Variants in BSG observed in about 807,000 individuals in gnomAD.
BSG encodes the protein basigin (Ok blood group).
In BSG, 37 loss-of-function variants were observed where a neutral mutation model predicts 43.1. The observed-to-expected ratio is 0.86, with a 90% confidence interval of 0.66 to 1.13. BSG has a LOEUF of 1.13. BSG is among the 50% of genes most tolerant of loss of function. The probability of loss-of-function intolerance (pLI) is 0.00; values close to 1 mark genes in which losing one functional copy is unlikely to be tolerated. For synonymous variants in BSG, 309 were observed against 238.7 expected, an observed-to-expected ratio of 1.29 and a Z score of -2.72; for missense variants, 599 against 554.2, an observed-to-expected ratio of 1.08 and a Z score of -0.81.
chr19:580,647 G>A lies in BSG; in HGVS notation c.657G>A (p.Gly219=), dbSNP rs1982209031. The A allele has an allele frequency of 2.5e-6, 4 of 1,612,798 alleles. No individual in the cohort carries two copies. The highest frequency in any genetic ancestry group is 2.5e-6 in the Non-Finnish European group (3 of 1,179,926). ...PMGTANIQLH[G]PPRVKAVKSS... ...TCCTCTCTCTCACCCTCCTGTCAGGGCCTCCCAGAGTGAAGGCTGTGAAGT... is the reference window on the plus strand; with the variant it reads ...TCCTCTCTCTCACCCTCCTGTCAGGACCTCCCAGAGTGAAGGCTGTGAAGT... Residue 219 remains glycine, a splice_region_variant and synonymous_variant, in exon 5 of 9, where the codon GGG becomes GGA. Transcript: ENST00000333511.
chr19:572,086 C>CATATATATATATATAT (rs61577385), upstream of BSG: 37 of 149,612 alleles, frequency 2.5e-4, no homozygotes, highest in African/African-American at 9.2e-4. Context: ...TTAATACGTT[C>CATATATATATATATAT]ATATATATAT....
upstream of BSG, chr19:571,449 C>T (rs1389606177): frequency 4.0e-6 from 3 of 755,196 alleles, no homozygotes; most frequent in South Asian, 2.7e-5. Context: ...CCGTGGTCGC[C>T]GCGGAACTTC....
chr19:580,376 C>T lies in BSG; in HGVS notation c.573-3C>T. ...GCGGCTCACCTGCCTGCTGTGGTTG[C>T]AGGGTGGACTCCGACGACCAGTGGG... On this transcript the variant is annotated splice_polypyrimidine_tract_variant and splice_region_variant and intron_variant, in intron 3 of 8. Transcript: ENST00000333511. The T allele has an allele frequency of 1.2e-6, 2 of 1,610,332 alleles. No individual in the cohort carries two copies. The highest frequency in any genetic ancestry group is 1.7e-6 in the Non-Finnish European group (2 of 1,179,724).
At chr19:573,907 G>C (rs1334018859) in intron 1 of BSG, among the ~76,000 whole-genome samples, 1 of 152,184 alleles carries the variant, frequency 6.6e-6, no homozygotes, top group Non-Finnish European at 1.5e-5. Flanking sequence ...ATCCTTTCTT[G>C]CTTCATAGAA....
In BSG at chr19:583,448, C is replaced by G. The variant is rs981405490; in HGVS notation, c.*704C>G. On this transcript the variant is annotated 3_prime_UTR_variant, in exon 9 of 9. Transcript: ENST00000333511. Reference sequence around the variant, plus strand: ...CACCAGGGCTCACGTGGGAACCCCCCTCCCACCCACCGCCACAATAAAGAT... The same window carrying G: ...CACCAGGGCTCACGTGGGAACCCCCGTCCCACCCACCGCCACAATAAAGAT... 6.6e-6 allele frequency: 1 copy of G among 152,224 alleles called. No individual in the cohort carries two copies. The highest frequency in any genetic ancestry group is 2.4e-5 in the African/African-American group (1 of 41,452). 9.4% of individuals were successfully genotyped at this position (152,224 alleles called of 1,614,324 possible). A position where few individuals can be genotyped will look rare whatever the true frequency, so the allele number is the denominator to read the frequency against.
Position 572,596 on chromosome 19 carries a change from A to G in BSG, c.-39A>G, listed in dbSNP as rs28915406. ...TATAGCGGCCGCGGGCGGCGGCGGC[A>G]GCGGTTGGAGGTTGTAGGACCGGCG... On this transcript the variant is annotated 5_prime_UTR_variant, in exon 1 of 9. Transcript: ENST00000333511. 5.0e-4 allele frequency: 724 copies of G among 1,450,568 alleles called. 4 individuals carry two copies. In the African/African-American group the frequency reaches 9.6e-3, roughly 19 times the overall value. 89.9% of individuals were successfully genotyped at this position (1,450,568 alleles called of 1,614,324 possible). A position where few individuals can be genotyped will look rare whatever the true frequency, so the allele number is the denominator to read the frequency against.
At chr19:574,379 C>A (rs1273747871) in intron 1 of BSG, among the ~76,000 whole-genome samples, 1 of 152,104 alleles carries the variant, frequency 6.6e-6, no homozygotes, top group African/African-American at 2.4e-5. Flanking sequence ...CGGTGAAACC[C>A]CGTCTCTACT....
In BSG at chr19:581,513, A is replaced by G. The variant is rs756853532; in HGVS notation, c.991A>G (p.Ile331Val). 8 of 1,596,972 alleles carry G rather than the reference A, an allele frequency of 5.0e-6. No individual in the cohort carries two copies. Among genetic ancestry groups the G allele is most frequent in the Non-Finnish European group, 6.8e-6 (8 of 1,172,520 alleles). The change falls in exon 6 of 9, where the codon ATC becomes GTC. Residue 331 changes from isoleucine to valine, a missense_variant. Coordinates refer to ENST00000333511, the MANE Select transcript of BSG (RefSeq NM_001728.4). ...HLAALWPFLG[I>V]VAEVLVLVTI... is the part of the protein sequence containing the mutation. ...GGCCGCCCTCTGGCCCTTCCTGGGCATCGTGGCTGAGGTGCTGGTGCTGGT... is the reference window on the plus strand; with the variant it reads ...GGCCGCCCTCTGGCCCTTCCTGGGCGTCGTGGCTGAGGTGCTGGTGCTGGT...
chr19:581,657 G>A (rs560636050), intron 6 of BSG, 66 bp downstream of exon 6: 28 of 1,482,050 alleles, frequency 1.9e-5, no homozygotes, highest in East Asian at 1.2e-4. Flanking sequence ...CTCCTGGTCC[G>A]TCCCTGCCAG....
At chr19:582,618 G>A (rs1292731949) in intron 8 of BSG, 36 bp downstream of exon 8, 6 of 1,372,624 alleles carry the variant, frequency 4.4e-6, no homozygotes, top group African/African-American at 1.5e-5. Flanking sequence ...AGCCAGGTGT[G>A]GTGGGTGGGT....
At chr19:582,617 TGGTGGGTG>T in intron 8 of BSG, 35 bp downstream of exon 8, 1 of 32,496 alleles carries the variant, frequency 3.1e-5, no homozygotes. Context: ...GAGCCAGGTG[TGGTGGGTG>T]GGTGGGCGGG....
chr19:574,322 G>A lies in BSG; in HGVS notation c.67+1621G>A, dbSNP rs974196377. ...TAATCCCAGCACTTTGGGAGGCCGA[G>A]GCGGGCGGATCACGAGGTCAAGAGA... On this transcript the variant is annotated intron_variant, in intron 1 of 8. Coordinates refer to ENST00000333511, the MANE Select transcript of BSG (RefSeq NM_001728.4). Among the ~76,000 whole-genome samples, 5 of 152,016 alleles carry A rather than the reference G, an allele frequency of 3.3e-5. No homozygotes were observed. The South Asian group carries it at 8.3e-4, about 25-fold the overall frequency.
rs376363939 is a variant in BSG, at chr19:579,451, C to T, written c.416-49C>T. 6.0e-5 allele frequency: 96 copies of T among 1,607,116 alleles called. No individual in the cohort carries two copies. The East Asian group carries it at 1.4e-3, about 23-fold the overall frequency. Reference sequence around the variant, plus strand: ...GTTCCTGGGGGTCAGGCAGGCAGCGCGGGCCGTGCTCCTCCACTCTGCTGA... The same window carrying T: ...GTTCCTGGGGGTCAGGCAGGCAGCGTGGGCCGTGCTCCTCCACTCTGCTGA... On this transcript the variant is annotated intron_variant, in intron 2 of 8. Transcript: ENST00000333511.
At chr19:574,552 C>CAA (rs200704727) in intron 1 of BSG, among the ~76,000 whole-genome samples, 53 of 145,662 alleles carry the variant, frequency 3.6e-4, no homozygotes, top group African/African-American at 5.6e-4. Flanking sequence ...GACCCCGTCT[C>CAA]AAAAAAAAAC....
upstream of BSG, chr19:572,497 C>T (rs1981333037): frequency 3.3e-6 from 4 of 1,195,670 alleles, no homozygotes; most frequent in African/African-American, 1.6e-5. Flanking sequence ...GGGCGACCGG[C>T]GTCCCCGGCG....
intron 4 of BSG, 23 bp downstream of exon 4, chr19:580,484 C>G: frequency 6.2e-7 from 1 of 1,608,854 alleles, no homozygotes; most frequent in Non-Finnish European, 8.5e-7. Flanking sequence ...GCCAGGGGTA[C>G]CGGGCACCAC....
chr19:582,509 C>G lies in BSG; in HGVS notation c.1095-5C>G. On this transcript the variant is annotated splice_polypyrimidine_tract_variant and splice_region_variant and intron_variant, in intron 7 of 8. Transcript: ENST00000333511. ...CACCCTCTCACCCGGCCCCTCGTGC[C>G]CCAGGAAGAGCAGCGGGCAGCACCA... The G allele has an allele frequency of 6.2e-7, 1 of 1,607,830 alleles. No homozygotes were observed. The highest frequency in any genetic ancestry group is 8.5e-7 in the Non-Finnish European group (1 of 1,178,110).
chr19:581,530 G>A lies in BSG; in HGVS notation c.1008G>A (p.Leu336=), dbSNP rs1054621759. 8.8e-6 allele frequency: 14 copies of A among 1,597,162 alleles called. No homozygotes were observed. The African/African-American group carries it at 1.7e-4, about 20-fold the overall frequency. Residue 336 remains leucine, a synonymous_variant, in exon 6 of 9, where the codon CTG becomes CTA. Transcript: ENST00000333511. ...TCCTGGGCATCGTGGCTGAGGTGCT[G>A]GTGCTGGTCACCATCATCTTCATCT... ...WPFLGIVAEV[L]VLVTIIFIYE... is the part of the protein sequence containing the mutation.
At chr19:573,605 A>AT (rs1236351918) in intron 1 of BSG, among the ~76,000 whole-genome samples, 1 of 152,006 alleles carries the variant, frequency 6.6e-6, no homozygotes, top group Non-Finnish European at 1.5e-5. Context: ...TCTCCCTCTG[A>AT]TTCTGCCTGG....
Sources: gnomAD v4.1 joint callset for allele counts (sites outside exome capture counted in the v4.1 genomes callset) on GRCh38, gnomAD v4.1.1 for gene constraint, MANE v1.5 for transcripts, NCBI Gene and HGNC (gene_info 2026-07-23, HGNC 2026-07-21) for gene names.